Variants in NCOA7 observed in about 807,000 individuals in gnomAD.
The protein encoded by NCOA7 is nuclear receptor coactivator 7.
In NCOA7, 45 loss-of-function variants were observed where a neutral mutation model predicts 104.3. That is an observed-to-expected ratio of 0.43 (90% CI 0.34 to 0.55). NCOA7 has a LOEUF of 0.55. Ranked by LOEUF, NCOA7 falls within the 20% of genes least tolerant of loss-of-function variation. The pLI is 0.02. For missense variants in NCOA7, 1,041 were observed against 1,119.7 expected, an observed-to-expected ratio of 0.93 and a Z score of 1.00; for synonymous variants, 398 against 402.3, an observed-to-expected ratio of 0.99 and a Z score of 0.13.
intron 1 of NCOA7, among the ~76,000 whole-genome samples, chr6:125,803,789 T>C (rs1271056928): frequency 6.6e-6 from 1 of 152,216 alleles, no homozygotes; most frequent in Non-Finnish European, 1.5e-5. Flanking sequence ...ATTTATATAC[T>C]GTATGTTTTT....
chr6:125,889,702 A>T lies in NCOA7; in HGVS notation c.1648A>T (p.Ser550Cys), dbSNP rs1000158093. 8.1e-6 allele frequency: 13 copies of T among 1,614,098 alleles called. No individual in the cohort carries two copies. The highest frequency in any genetic ancestry group is 1.1e-5 in the Non-Finnish European group (13 of 1,179,990). ...GAAAACAGAATTAAGTGATGGAAAA[A>T]GTATTGAACCAGGGGGAATAGACAT... Reference protein sequence around the residue: ...LQKTELSDGKSIEPGGIDITL... With the variant: ...LQKTELSDGKCIEPGGIDITL... Residue 550 changes from serine (S) to cysteine (C), a missense_variant, in exon 9 of 16, where the codon AGT becomes TGT. By Grantham distance (112) the Ser-to-Cys change is moderately radical. This residue lies in a region of NCOA7 where 914 missense variants were observed against 942.7 expected (regional missense o/e 0.97). Coordinates refer to ENST00000392477, the MANE Select transcript of NCOA7 (RefSeq NM_181782.5).
chr6:125,787,300 C>A (rs892899068), upstream of NCOA7, among the ~76,000 whole-genome samples: 11 of 152,170 alleles, frequency 7.2e-5, no homozygotes, highest in Non-Finnish European at 1.3e-4. Context: ...CATGCTTCTT[C>A]ATTACAAGAA....
intron 2 of NCOA7, among the ~76,000 whole-genome samples, chr6:125,831,435 G>A (rs886928233): frequency 3.3e-5 from 5 of 151,338 alleles, no homozygotes; most frequent in African/African-American, 4.9e-5. Context: ...CAAGCTACTC[G>A]GTGTGTCATT....
At chr6:125,838,763 T>G (rs958442052) in intron 2 of NCOA7, among the ~76,000 whole-genome samples, 1 of 152,172 alleles carries the variant, frequency 6.6e-6, no homozygotes, top group African/African-American at 2.4e-5. Flanking sequence ...ACTGCAAATT[T>G]GGGGTTTCCC....
At chr6:125,788,340 G>A (rs1396754868), upstream of NCOA7, among the ~76,000 whole-genome samples, 1 of 152,170 alleles carries the variant, frequency 6.6e-6, no homozygotes, top group Non-Finnish European at 1.5e-5. Context: ...CCAAGGCTTA[G>A]GTAAATCAGT....
Position 125,915,404 on chromosome 6 carries a change from G to T in NCOA7, c.2168G>T (p.Gly723Val). The change falls in exon 11 of 16, where the codon GGC becomes GTC. Residue 723 changes from glycine (G) to valine (V), a missense_variant. Transcript: ENST00000392477. ...TATGGAAAAGATGCCAAAGAGCAAG[G>T]CTTTGTGGTGGTGGAGAAGGAAGAA... is the stretch of plus-strand genomic sequence containing the variant. ...DVYGKDAKEQ[G>V]FVVVEKEELN... 2 of 1,613,918 alleles carry T rather than the reference G, an allele frequency of 1.2e-6. No individual in the cohort carries two copies. The highest frequency in any genetic ancestry group is 1.7e-6 in the Non-Finnish European group (2 of 1,179,854).
At chr6:125,842,266 A>C (rs1011027265) in intron 2 of NCOA7, among the ~76,000 whole-genome samples, 4 of 152,196 alleles carry the variant, frequency 2.6e-5, no homozygotes, top group Admixed American at 2.6e-4. Context: ...AGTTAACGGG[A>C]AAGTCAGTTA....
intron 2 of NCOA7, among the ~76,000 whole-genome samples, chr6:125,817,695 G>C (rs1244485816): frequency 6.6e-6 from 1 of 152,160 alleles, no homozygotes; most frequent in Non-Finnish European, 1.5e-5. Context: ...CTCCCGGACT[G>C]TAGTTTGTCT....
chr6:125,881,080 C>T lies in NCOA7; in HGVS notation c.460-10C>T. On this transcript the variant is annotated splice_polypyrimidine_tract_variant and intron_variant, in intron 5 of 15. Coordinates refer to ENST00000392477, the MANE Select transcript of NCOA7 (RefSeq NM_181782.5). ...CTGGTACTCACCCATCTGTTCTCTCCCATTCTCAGGTCCTTTTTGTGCCAG... is the reference window on the plus strand; with the variant it reads ...CTGGTACTCACCCATCTGTTCTCTCTCATTCTCAGGTCCTTTTTGTGCCAG... 1.9e-6 allele frequency: 3 copies of T among 1,592,986 alleles called. No homozygotes were observed. The African/African-American group carries it at 4.0e-5, about 21-fold the overall frequency.
At chr6:125,798,628 G>A (rs1583231978) in intron 1 of NCOA7, among the ~76,000 whole-genome samples, 1 of 152,090 alleles carries the variant, frequency 6.6e-6, no homozygotes, top group African/African-American at 2.4e-5. Flanking sequence ...TAATAACTGA[G>A]TTAAACATAA....
intron 3 of NCOA7, among the ~76,000 whole-genome samples, chr6:125,873,348 T>G (rs540724168): frequency 5.3e-5 from 8 of 152,364 alleles, no homozygotes; most frequent in Non-Finnish European, 1.0e-4. Flanking sequence ...GTATATAGGT[T>G]TTTATTTTTA....
rs531061499 is a variant in NCOA7 at position 125,847,330 on chromosome 6, ACTAGGACATGAGT to A, written c.51-7685_51-7673del. Among the ~76,000 whole-genome samples, 4 of 152,332 alleles carry A rather than the reference ACTAGGACATGAGT, an allele frequency of 2.6e-5. No individual in the cohort carries two copies. The East Asian group carries it at 7.7e-4, about 29-fold the overall frequency. The stretch of plus-strand genomic sequence containing the variant: ...TTGTGTGTTGTCCAATAGAGTAACC[ACTAGGACATGAGT>A]CTAGAAATGTATTTCTTACAAGTGA... On this transcript the variant is annotated intron_variant, in intron 2 of 15. Coordinates refer to ENST00000392477, the MANE Select transcript of NCOA7 (RefSeq NM_181782.5).
intron 1 of NCOA7, among the ~76,000 whole-genome samples, chr6:125,792,985 T>G (rs1774995640): frequency 6.6e-6 from 1 of 152,186 alleles, no homozygotes; most frequent in African/African-American, 2.4e-5. Flanking sequence ...TTTACCATCT[T>G]CACTTCATAT....
At chr6:125,811,889 G>C (rs1052258361) in intron 1 of NCOA7, among the ~76,000 whole-genome samples, 7 of 152,180 alleles carry the variant, frequency 4.6e-5, no homozygotes, top group Non-Finnish European at 7.3e-5. Flanking sequence ...GGATGTTGTT[G>C]ACTCCGGACT....
chr6:125,874,952 G>T lies in NCOA7; in HGVS notation c.335G>T (p.Gly112Val). The T allele has an allele frequency of 6.2e-7, 1 of 1,613,110 alleles. No individual in the cohort carries two copies. The highest frequency in any genetic ancestry group is 8.5e-7 in the Non-Finnish European group (1 of 1,179,218). The change falls in exon 4 of 16, where the codon GGG (glycine) becomes GTG (valine). Residue 112 changes from glycine (G) to valine (V), a missense_variant. Gly to Val is a moderately radical substitution (Grantham distance 109). Coordinates refer to ENST00000392477, the MANE Select transcript of NCOA7 (RefSeq NM_181782.5). ...AAGATGGTGGTTCAGAAGCCCCATGGGACTATGGAATACACTGTGAGTATA... is the reference window on the plus strand; with the variant it reads ...AAGATGGTGGTTCAGAAGCCCCATGTGACTATGGAATACACTGTGAGTATA... Reference protein sequence around the residue: ...EKKMVVQKPHGTMEYTAGNQD... With the variant: ...EKKMVVQKPHVTMEYTAGNQD...
intron 9 of NCOA7, 80 bp downstream of exon 9, chr6:125,890,061 A>G (rs558987528): frequency 1.5e-5 from 16 of 1,042,544 alleles, no homozygotes; most frequent in Middle Eastern, 6.5e-4. Flanking sequence ...TACCCACATT[A>G]GTACATTTAT....
At chr6:125,914,812 C>T (rs1403569010) in intron 10 of NCOA7, among the ~76,000 whole-genome samples, 1 of 152,140 alleles carries the variant, frequency 6.6e-6, no homozygotes, top group Admixed American at 6.5e-5. Flanking sequence ...ATTCCTGCGT[C>T]AATAAAATTA....
intron 11 of NCOA7, 145 bp downstream of exon 11, chr6:125,915,625 G>T: frequency 1.0e-6 from 1 of 991,314 alleles, no homozygotes; most frequent in Non-Finnish European, 1.4e-6. Context: ...TTATTCCTCC[G>T]TTTGAAAAAA....
chr6:125,867,766 A>C (rs1782557265), intron 3 of NCOA7, among the ~76,000 whole-genome samples: 1 of 152,182 alleles, frequency 6.6e-6, no homozygotes, highest in African/African-American at 2.4e-5. Flanking sequence ...AACCTTAAAC[A>C]CTGTGCTAGA....
Sources: gnomAD v4.1 joint callset for allele counts (sites outside exome capture counted in the v4.1 genomes callset) on GRCh38, gnomAD v4.1.1 for gene constraint, gnomAD v4.1.1 regional missense constraint, MANE v1.5 for transcripts, NCBI Gene and HGNC (gene_info 2026-07-23, HGNC 2026-07-21) for gene names.